PHACTR3: variants seen among roughly 807,000 people sequenced by gnomAD.
PHACTR3 encodes phosphatase and actin regulator 3.
A neutral mutation model predicts 66.8 loss-of-function variants in PHACTR3; 16 were observed. The ratio of observed to expected loss-of-function variants is 0.24; its 90% CI spans 0.16 to 0.36. The LOEUF (loss-of-function observed/expected upper bound fraction) is 0.36. PHACTR3 is among the 10% of genes least tolerant of loss of function. The pLI is 1.00. For missense variants in PHACTR3, 647 were observed against 719.9 expected (o/e 0.90, Z 1.16); for synonymous variants, 323 against 292.1 (o/e 1.11, Z -1.08).
chr20:59,724,675 G>C (rs1033975971), intron 1 of PHACTR3, among the ~76,000 whole-genome samples: 1 of 152,190 alleles, frequency 6.6e-6, no homozygotes. Context: ...GCCTTTTGCA[G>C]TTAGCTGATC....
intron 1 of PHACTR3, among the ~76,000 whole-genome samples, chr20:59,682,322 A>G (rs2036690499): frequency 6.6e-6 from 1 of 152,142 alleles, no homozygotes. Context: ...CCTGGGCAAC[A>G]GAGTGAGACT....
At chr20:59,689,943 C>T (rs1487363076) in intron 1 of PHACTR3, among the ~76,000 whole-genome samples, 1 of 152,150 alleles carries the variant, frequency 6.6e-6, no homozygotes, top group Non-Finnish European at 1.5e-5. Flanking sequence ...CTGAGCCTTC[C>T]AGCTTCCTCT....
At chr20:59,665,194 G>C (rs942743927) in intron 1 of PHACTR3, among the ~76,000 whole-genome samples, 1 of 152,162 alleles carries the variant, frequency 6.6e-6, no homozygotes, top group Non-Finnish European at 1.5e-5. Context: ...ACCATTTTCA[G>C]TGTGATTACT....
intron 11 of PHACTR3, chr20:59,844,619 G>A (rs2059119179): frequency 1.3e-5 from 2 of 152,118 alleles, no homozygotes; most frequent in Non-Finnish European, 2.9e-5. Context: ...ACTCATGTGG[G>A]ATCAAAAAAG....
intron 5 of PHACTR3, among the ~76,000 whole-genome samples, chr20:59,771,624 C>T (rs1601317813): frequency 2.0e-5 from 3 of 152,154 alleles, no homozygotes; most frequent in African/African-American, 4.8e-5. Flanking sequence ...CCTTTTCTCT[C>T]CCTCTCCTTC....
At chr20:59,678,615 C>T (rs1056739981) in intron 1 of PHACTR3, among the ~76,000 whole-genome samples, 1 of 152,208 alleles carries the variant, frequency 6.6e-6, no homozygotes, top group African/African-American at 2.4e-5. Context: ...GCAGCTGAAT[C>T]TCATCTACTT....
chr20:59,826,209 G>A lies in PHACTR3; in HGVS notation c.1329-10296G>A, dbSNP rs1333002900. ...GAGATCAGTGGGGTGGGGGAGGGGA[G>A]GGGTGCTCAGGGGCTTCGAGGAGGC... On this transcript the variant is annotated intron_variant, in intron 8 of 12. Transcript: ENST00000371015. 2.0e-5 allele frequency among the ~76,000 whole-genome samples: 3 copies of A among 152,002 alleles called. No homozygotes were observed. In the East Asian group the frequency reaches 5.8e-4, roughly 29 times the overall value.
chr20:59,723,721 G>A (rs1435310417), intron 1 of PHACTR3, among the ~76,000 whole-genome samples: 1 of 151,940 alleles, frequency 6.6e-6, no homozygotes, highest in Non-Finnish European at 1.5e-5. Context: ...GAGTCGAATG[G>A]TCATATGGCG....
chr20:59,749,283 C>T (rs773886878), intron 3 of PHACTR3, among the ~76,000 whole-genome samples: 2 of 151,046 alleles, frequency 1.3e-5, no homozygotes, highest in African/African-American at 2.5e-5. Flanking sequence ...AATGCTAAGG[C>T]CTTTTCTCAT....
At chr20:59,694,238 T>C (rs1306107397) in intron 1 of PHACTR3, among the ~76,000 whole-genome samples, 3 of 152,168 alleles carry the variant, frequency 2.0e-5, no homozygotes, top group African/African-American at 7.2e-5. Context: ...TTTTCAGTCC[T>C]TCAGGTGAGA....
At chr20:59,777,972 G>A (rs1378941627) in intron 7 of PHACTR3, among the ~76,000 whole-genome samples, 1 of 152,124 alleles carries the variant, frequency 6.6e-6, no homozygotes, top group African/African-American at 2.4e-5. Flanking sequence ...TCCCATCTGC[G>A]CCCTGTGCTG....
rs962486724 is a variant in PHACTR3 at position 59,829,281 on chromosome 20, G to A, written c.1329-7224G>A. ...GCACCTCTCAGCTGAGCCCTCAGTCGGCAGAACATCCCTGCTTGCTGTTTC... is the reference window on the plus strand; with the variant it reads ...GCACCTCTCAGCTGAGCCCTCAGTCAGCAGAACATCCCTGCTTGCTGTTTC... On this transcript the variant is annotated intron_variant, in intron 8 of 12. Coordinates refer to ENST00000371015, the MANE Select transcript of PHACTR3 (RefSeq NM_080672.5). This position sits in a 1 kb window ranked among gnomAD's most constrained non-coding sequence, Gnocchi z 4.2. Among the ~76,000 whole-genome samples the A allele has an allele frequency of 8.5e-5, 13 of 152,270 alleles. No homozygotes were observed. The highest frequency in any genetic ancestry group is 2.2e-4 in the African/African-American group (9 of 41,558).
chr20:59,676,702 G>A (rs1001779831), intron 1 of PHACTR3: 18 of 985,098 alleles, frequency 1.8e-5, no homozygotes, highest in Admixed American at 6.2e-5. Flanking sequence ...AGAAGCCCGC[G>A]GGGAGAGCAG....
chr20:59,639,575 G>T (rs2146419473), intron 1 of PHACTR3, among the ~76,000 whole-genome samples: 1 of 152,304 alleles, frequency 6.6e-6, no homozygotes, highest in South Asian at 2.1e-4. Flanking sequence ...CTGACTTTGA[G>T]GAGTGTTTTG....
At chr20:59,701,819 T>C (rs1288939139) in intron 1 of PHACTR3, among the ~76,000 whole-genome samples, 3 of 152,260 alleles carry the variant, frequency 2.0e-5, no homozygotes, top group African/African-American at 7.2e-5. Flanking sequence ...GTATTCACCA[T>C]TACAGTATCA....
chr20:59,783,094 G>A (rs2040782269), intron 7 of PHACTR3, among the ~76,000 whole-genome samples: 2 of 152,210 alleles, frequency 1.3e-5, no homozygotes, highest in South Asian at 4.1e-4. Flanking sequence ...AAAGTGAAGA[G>A]CCACCTGCAG....
chr20:59,600,915 A>G (rs1295373897), upstream of PHACTR3, among the ~76,000 whole-genome samples: 1 of 151,178 alleles, frequency 6.6e-6, no homozygotes, highest in Non-Finnish European at 1.5e-5. Context: ...AATCCTCCAA[A>G]TTCAAAGCTC....
intron 1 of PHACTR3, among the ~76,000 whole-genome samples, chr20:59,637,289 G>A (rs907232588): frequency 6.6e-6 from 1 of 152,242 alleles, no homozygotes; most frequent in Non-Finnish European, 1.5e-5. Context: ...CTGCTAGAGC[G>A]ATGTCTCTGG....
chr20:59,634,337 A>T (rs901078522), intron 1 of PHACTR3, among the ~76,000 whole-genome samples: 3 of 152,240 alleles, frequency 2.0e-5, no homozygotes, highest in African/African-American at 7.2e-5. Context: ...TCCCTCCTTC[A>T]TAAAATGGGC....
Sources: gnomAD v4.1 joint callset for allele counts (sites outside exome capture counted in the v4.1 genomes callset) on GRCh38, gnomAD v4.1.1 for gene constraint, Gnocchi (gnomAD v3.1) non-coding constraint, MANE v1.5 for transcripts, NCBI Gene and HGNC (gene_info 2026-07-23, HGNC 2026-07-21) for gene names.